The following ADAMTSL1 variants were observed in gnomAD, a reference collection of about 807,000 sequenced individuals.
ADAMTSL1 encodes the protein ADAMTS-like protein 1.
Under a neutral mutation model 201.8 loss-of-function variants are expected in ADAMTSL1, and 126 were observed. The observed-to-expected ratio is 0.62, with a 90% CI of 0.54 to 0.72. The LOEUF is 0.72. Among genes scored for constraint, ADAMTSL1 ranks in the 30% least tolerant of loss-of-function variants. ADAMTSL1 has a pLI of 0.00. For missense variants in ADAMTSL1, 2,679 were observed against 2,277.8 expected, an observed-to-expected ratio of 1.18 and a Z score of -3.59; for synonymous variants, 1,121 against 903.4, an observed-to-expected ratio of 1.24 and a Z score of -4.32.
rs114281014 is a variant in ADAMTSL1 at position 18,379,324 on chromosome 9, T to A, written c.208-125505T>A. ...AGATTCCAATCTACCTGAGTCAGGGTAATGAGGAAATCCCCTCTGCTCTAA... is the reference window on the plus strand; with the variant it reads ...AGATTCCAATCTACCTGAGTCAGGGAAATGAGGAAATCCCCTCTGCTCTAA... On this transcript the variant is annotated intron_variant, in intron 2 of 29. Transcript: ENST00000680146. Among the ~76,000 whole-genome samples the A allele has an allele frequency of 5.2e-3, 797 of 152,324 alleles. 8 individuals carry two copies. Among genetic ancestry groups the A allele is most frequent in the African/African-American group, 0.018 (769 of 41,580 alleles).
At chr9:18,213,283 C>T (rs749945804) in intron 2 of ADAMTSL1, among the ~76,000 whole-genome samples, 1 of 152,126 alleles carries the variant, frequency 6.6e-6, no homozygotes, top group African/African-American at 2.4e-5. Context: ...TCAGGGAAAA[C>T]ATATTTGTAG....
intron 23 of ADAMTSL1, among the ~76,000 whole-genome samples, chr9:18,856,589 G>T (rs1826867138): frequency 6.7e-6 from 1 of 149,244 alleles, no homozygotes; most frequent in African/African-American, 2.5e-5. Flanking sequence ...TCAGCCTCCT[G>T]AGTAGCTGGG....
chr9:18,329,456 G>A (rs1031593017), intron 2 of ADAMTSL1, among the ~76,000 whole-genome samples: 1 of 152,162 alleles, frequency 6.6e-6, no homozygotes, highest in African/African-American at 2.4e-5. Context: ...AGATAAGAGT[G>A]TGACCCAAGG....
At chr9:18,543,115 G>A (rs1429902001) in intron 3 of ADAMTSL1, among the ~76,000 whole-genome samples, 1 of 152,156 alleles carries the variant, frequency 6.6e-6, no homozygotes, top group African/African-American at 2.4e-5. Context: ...TGGAATTGCT[G>A]TATATTCTCA....
intron 26 of ADAMTSL1, among the ~76,000 whole-genome samples, chr9:18,903,338 G>C (rs1314233830): frequency 1.3e-5 from 2 of 152,080 alleles, no homozygotes; most frequent in African/African-American, 4.8e-5. Context: ...TACATAGTAA[G>C]AAAACACCAA....
At chr9:18,689,186 TACTG>T (rs1831061511) in intron 13 of ADAMTSL1, among the ~76,000 whole-genome samples, 1 of 151,882 alleles carries the variant, frequency 6.6e-6, no homozygotes, top group East Asian at 1.9e-4. Context: ...CTAAAAAAAT[TACTG>T]ACAGGTTTCC....
intron 1 of ADAMTSL1, among the ~76,000 whole-genome samples, chr9:17,922,910 G>C (rs765706932): frequency 2.6e-5 from 4 of 152,176 alleles, no homozygotes; most frequent in Non-Finnish European, 4.4e-5. Context: ...AATGATCAGA[G>C]ACATAGGGGA....
intron 1 of ADAMTSL1, among the ~76,000 whole-genome samples, chr9:17,933,963 A>C (rs1826902602): frequency 6.6e-6 from 1 of 152,128 alleles, no homozygotes; most frequent in Admixed American, 6.5e-5. Flanking sequence ...GGTTCAAATC[A>C]CTTCTGTTTT....
At position 18,628,458 on chromosome 9, in the gene ADAMTSL1, A is replaced by AT. The variant is rs947720880; in HGVS notation, c.601+6097dup. On this transcript the variant is annotated intron_variant, in intron 5 of 28. Coordinates refer to ENST00000380548, the MANE Select transcript of ADAMTSL1 (RefSeq NM_001040272.6). ...GTGTCTGTCCCTTCATCAATACTCCATTTTTTTTATTACCGTGGCTTTAAG... is the reference window on the plus strand; with the variant it reads ...GTGTCTGTCCCTTCATCAATACTCCATTTTTTTTTATTACCGTGGCTTTAAG... 1.4e-4 allele frequency among the ~76,000 whole-genome samples: 22 copies of AT among 151,960 alleles called. No individual in the cohort carries two copies. In the East Asian group the frequency reaches 2.1e-3, roughly 15 times the overall value.
At chr9:18,715,973 A>G (rs940026056) in intron 14 of ADAMTSL1, among the ~76,000 whole-genome samples, 9 of 151,272 alleles carry the variant, frequency 5.9e-5, no homozygotes, top group African/African-American at 2.2e-4. Context: ...CCTGAGAAAA[A>G]CAAGCAATGG....
At chr9:18,052,003 A>G (rs1821962287) in intron 1 of ADAMTSL1, among the ~76,000 whole-genome samples, 1 of 152,230 alleles carries the variant, frequency 6.6e-6, no homozygotes, top group Admixed American at 6.5e-5. Context: ...TCTTTTCTTG[A>G]CACTTTGTTA....
At chr9:17,967,872 C>G (rs541872014) in intron 1 of ADAMTSL1, among the ~76,000 whole-genome samples, 1 of 152,040 alleles carries the variant, frequency 6.6e-6, no homozygotes, top group Non-Finnish European at 1.5e-5. Flanking sequence ...TCTGTTTATT[C>G]ACACTGGGAT....
At chr9:18,632,101 G>A (rs1465971546) in intron 5 of ADAMTSL1, among the ~76,000 whole-genome samples, 1 of 152,140 alleles carries the variant, frequency 6.6e-6, no homozygotes, top group Non-Finnish European at 1.5e-5. Flanking sequence ...TATACTAATG[G>A]CATTAATCAC....
intron 2 of ADAMTSL1, among the ~76,000 whole-genome samples, chr9:18,204,605 G>C (rs1428740770): frequency 6.6e-6 from 1 of 152,106 alleles, no homozygotes; most frequent in Non-Finnish European, 1.5e-5. Context: ...ACACAGGTTG[G>C]TAAGACCCCT....
chr9:18,550,705 C>A (rs1396521341), intron 3 of ADAMTSL1, among the ~76,000 whole-genome samples: 1 of 151,922 alleles, frequency 6.6e-6, no homozygotes, highest in Non-Finnish European at 1.5e-5. Context: ...TGTCTGTACA[C>A]AGAATCATGA....
At chr9:17,930,722 G>C (rs916738880) in intron 1 of ADAMTSL1, among the ~76,000 whole-genome samples, 1 of 152,136 alleles carries the variant, frequency 6.6e-6, no homozygotes, top group African/African-American at 2.4e-5. Flanking sequence ...AGAAGTTTTT[G>C]CCTGCTTCAT....
chr9:18,417,367 G>GAAAAAAAAAAAAAAGAAAAAAAA (rs1818727144), intron 2 of ADAMTSL1, among the ~76,000 whole-genome samples: 3 of 64,654 alleles, frequency 4.6e-5, no homozygotes, highest in Non-Finnish European at 9.5e-5. Context: ...AAGTAAGCAG[G>GAAAAAAAAAAAAAAGAAAAAAAA]AAAAAAAAAA....
intron 2 of ADAMTSL1, among the ~76,000 whole-genome samples, chr9:18,365,780 T>C (rs1238959943): frequency 6.6e-6 from 1 of 152,112 alleles, no homozygotes; most frequent in Admixed American, 6.5e-5. Flanking sequence ...TGTTAGGAAC[T>C]GGGCCACAAA....
intron 2 of ADAMTSL1, among the ~76,000 whole-genome samples, chr9:18,325,173 G>T (rs917340835): frequency 6.6e-6 from 1 of 152,122 alleles, no homozygotes; most frequent in African/African-American, 2.4e-5. Flanking sequence ...CTTTGGAAAA[G>T]GTTTGACAAT....
Sources: gnomAD v4.1 joint callset for allele counts (sites outside exome capture counted in the v4.1 genomes callset) on GRCh38, gnomAD v4.1.1 for gene constraint, MANE v1.5 for transcripts, NCBI Gene and HGNC (gene_info 2026-07-23, HGNC 2026-07-21) for gene names.